USP48: variants seen among roughly 807,000 people sequenced by gnomAD.
USP48 encodes the protein ubiquitin specific peptidase 48, also known as ubiquitin carboxyl-terminal hydrolase 48.
A neutral mutation model predicts 150.7 loss-of-function variants in USP48; 43 were observed. The ratio of observed to expected loss-of-function variants is 0.29; its 90% CI spans 0.22 to 0.37. The LOEUF (loss-of-function observed/expected upper bound fraction) is 0.37. Ranked by LOEUF, USP48 falls within the 10% of genes least tolerant of loss-of-function variation. The pLI, the probability that USP48 is intolerant of heterozygous loss-of-function variation, is 1.00. For missense variants in USP48, 813 were observed against 1,249.6 expected (o/e 0.65, Z 5.27); for synonymous variants, 396 against 425.9 (o/e 0.93, Z 0.86).
intron 1 of USP48, among the ~76,000 whole-genome samples, chr1:21,780,824 C>A: frequency 6.8e-6 from 1 of 148,092 alleles, no homozygotes; most frequent in East Asian, 2.0e-4. Flanking sequence ...CTCACCGCAA[C>A]CTCCACCTCC....
chr1:21,780,968 C>T (rs1572080813), intron 1 of USP48, among the ~76,000 whole-genome samples: 2 of 151,180 alleles, frequency 1.3e-5, no homozygotes, highest in East Asian at 3.9e-4. Flanking sequence ...TCTCGAACTC[C>T]TGACCTCGTG....
intron 8 of USP48, among the ~76,000 whole-genome samples, chr1:21,744,463 G>GA (rs1226072322): frequency 1.4e-5 from 2 of 139,684 alleles, no homozygotes; most frequent in South Asian, 2.3e-4. Flanking sequence ...AACAGAAAAA[G>GA]AAAAAAACTT....
chr1:21,719,002 C>T (rs2097712198), intron 14 of USP48, among the ~76,000 whole-genome samples: 1 of 152,012 alleles, frequency 6.6e-6, no homozygotes. Flanking sequence ...TGCAGTAGCT[C>T]ACACCTGTAA....
chr1:21,724,014 G>A lies in USP48; in HGVS notation c.1532C>T (p.Ala511Val). 6.2e-7 allele frequency: 1 copy of A among 1,614,178 alleles called. No individual in the cohort carries two copies. ...STPTKPIDNH[A>V]CLCSHDKLHP... The stretch of plus-strand genomic sequence containing the variant: ...AAGCTTGTCATGGGAACACAGGCAA[G>A]CGTGATTATCAATAGGTTTGGTAGG... The change falls in exon 12 of 27, where the codon GCT (alanine) becomes GTT (valine). Residue 511 changes from alanine (A) to valine (V), a missense_variant. Transcript: ENST00000308271.
At chr1:21,735,275 T>A (rs1163964822) in intron 9 of USP48, among the ~76,000 whole-genome samples, 1 of 152,198 alleles carries the variant, frequency 6.6e-6, no homozygotes, top group Non-Finnish European at 1.5e-5. Flanking sequence ...AACAAAATAA[T>A]TGTAAATTTT....
chr1:21,781,631 G>A (rs1043864335), intron 1 of USP48, among the ~76,000 whole-genome samples: 2 of 152,156 alleles, frequency 1.3e-5, no homozygotes, highest in African/African-American at 4.8e-5. Context: ...CTACTCCGGA[G>A]GCCGAGGTGG....
chr1:21,772,075 T>G lies in USP48; in HGVS notation c.134+10749A>C, dbSNP rs529065235. On this transcript the variant is annotated intron_variant, in intron 1 of 26. Transcript: ENST00000308271. The stretch of plus-strand genomic sequence containing the variant: ...TTTGGTAAAAGGCAAAATAAAATAT[T>G]GATGGATCCCTACCTCAATCCATAA... 4.6e-5 allele frequency among the ~76,000 whole-genome samples: 7 copies of G among 152,256 alleles called. No individual in the cohort carries two copies. In the East Asian group the frequency reaches 1.4e-3, roughly 29 times the overall value.
At chr1:21,719,613 A>G (rs2097714263) in intron 14 of USP48, among the ~76,000 whole-genome samples, 2 of 152,192 alleles carry the variant, frequency 1.3e-5, no homozygotes, top group Non-Finnish European at 2.9e-5. Context: ...AAAACTGGTC[A>G]GGCACGGTGG....
At chr1:21,731,516 G>T (rs948242085) in intron 9 of USP48, among the ~76,000 whole-genome samples, 5 of 150,038 alleles carry the variant, frequency 3.3e-5, no homozygotes, top group South Asian at 2.2e-4. Flanking sequence ...CTCCCTCCTC[G>T]GCCTCCCAAA....
intron 5 of USP48, 148 bp downstream of exon 5, chr1:21,752,379 T>C (rs1207652344): frequency 6.2e-6 from 6 of 974,510 alleles, no homozygotes; most frequent in Non-Finnish European, 8.8e-6. Flanking sequence ...CTTGTTTATA[T>C]GTTCCCATGG....
chr1:21,697,740 C>T (rs2152509265), intron 22 of USP48, among the ~76,000 whole-genome samples: 1 of 151,384 alleles, frequency 6.6e-6, no homozygotes, highest in Admixed American at 6.6e-5. Flanking sequence ...AGAAAAATAA[C>T]TACATCAACA....
intron 11 of USP48, among the ~76,000 whole-genome samples, chr1:21,727,111 TC>T (rs1303387258): frequency 6.6e-6 from 1 of 152,194 alleles, no homozygotes; most frequent in Non-Finnish European, 1.5e-5. Flanking sequence ...AAAAGCACGT[TC>T]CTACTGAGGC....
chr1:21,711,579 C>G (rs191372638), intron 15 of USP48, among the ~76,000 whole-genome samples: 101 of 152,260 alleles, frequency 6.6e-4, no homozygotes, highest in African/African-American at 2.2e-3. Context: ...AGAGCGACAG[C>G]AGGTCTGAAT....
At chr1:21,719,363 A>G (rs1454525315) in intron 14 of USP48, among the ~76,000 whole-genome samples, 2 of 152,148 alleles carry the variant, frequency 1.3e-5, no homozygotes, top group Admixed American at 1.3e-4. Context: ...ATCACAGCTC[A>G]AAGAGTTTAA....
At chr1:21,753,868 C>T (rs1029075085) in intron 3 of USP48, among the ~76,000 whole-genome samples, 21 of 144,214 alleles carry the variant, frequency 1.5e-4, no homozygotes, top group Admixed American at 8.5e-4. Flanking sequence ...ACAGGGCTGG[C>T]GCAGTGGCTC....
At chr1:21,682,232 G>C (rs916929575) in intron 25 of USP48, among the ~76,000 whole-genome samples, 48 of 152,146 alleles carry the variant, frequency 3.2e-4, no homozygotes, top group African/African-American at 1.2e-3. Flanking sequence ...CTTTCCCTCA[G>C]GATCTTGCGG....
chr1:21,764,062 T>C (rs1414235017), intron 1 of USP48, among the ~76,000 whole-genome samples: 2 of 152,126 alleles, frequency 1.3e-5, no homozygotes, highest in African/African-American at 2.4e-5. Flanking sequence ...GTGTGCCAAT[T>C]TCCTTACAGT....
chr1:21,778,826 T>C (rs111377145), intron 1 of USP48, among the ~76,000 whole-genome samples: 13 of 151,630 alleles, frequency 8.6e-5, no homozygotes, highest in Non-Finnish European at 1.6e-4. Flanking sequence ...CTCAGCTCAC[T>C]GCAAGCTCTG....
rs1011145901 is a variant in USP48 at position 21,692,114 on chromosome 1, C to T, written c.2884-2015G>A. 2.2e-4 allele frequency among the ~76,000 whole-genome samples: 33 copies of T among 152,124 alleles called. 1 individual carries two copies. Among genetic ancestry groups the T allele is most frequent in the African/African-American group, 7.7e-4 (32 of 41,422 alleles). ...AGACAAATAAGAACAAGGATAACAG[C>T]ACTGGCCTCCTCCCTAACTGCTGGG... On this transcript the variant is annotated intron_variant, in intron 23 of 26. Coordinates refer to ENST00000308271, the MANE Select transcript of USP48 (RefSeq NM_032236.8).
Sources: allele counts gnomAD v4.1 joint callset (sites outside exome capture counted in the v4.1 genomes callset), GRCh38; gene constraint gnomAD v4.1.1; transcripts MANE v1.5; gene names NCBI Gene and HGNC (gene_info 2026-07-23, HGNC 2026-07-21).